The following CUL5 variants were observed in gnomAD, a reference collection of about 807,000 sequenced individuals.
CUL5 encodes the protein cullin-5.
In CUL5, 26 loss-of-function variants were observed where a neutral mutation model predicts 108.8. The ratio of observed to expected loss-of-function variants is 0.24; its 90% CI spans 0.18 to 0.33. The LOEUF (loss-of-function observed/expected upper bound fraction) is 0.33, where lower values mean the gene tolerates loss of function less well. Ranked by LOEUF, CUL5 falls within the 10% of genes least tolerant of loss-of-function variation. The probability of loss-of-function intolerance (pLI) is 1.00; values close to 1 mark genes in which losing one functional copy is unlikely to be tolerated. For missense variants in CUL5, 524 were observed against 909.2 expected (o/e 0.58, Z 5.45); for synonymous variants, 334 against 298.0 (o/e 1.12, Z -1.25).
rs190906787 is a variant in CUL5, at chr11:108,056,384, A to G, written c.780+1429A>G. On this transcript the variant is annotated intron_variant, in intron 7 of 18. Coordinates refer to ENST00000393094, the MANE Select transcript of CUL5 (RefSeq NM_003478.6). The stretch of plus-strand genomic sequence containing the variant: ...ACTTTTCTTTGGCTTTGTCCATCTT[A>G]AGTGGTAGTCGTGTTTATTTTATTC... Among the ~76,000 whole-genome samples the G allele has an allele frequency of 1.6e-3, 249 of 152,138 alleles. 2 individuals are homozygous for G. The highest frequency in any genetic ancestry group is 5.8e-3 in the African/African-American group (240 of 41,510).
chr11:108,094,736 C>A, intron 14 of CUL5, 76 bp from the exon 15 acceptor site: 1 of 1,189,306 alleles, frequency 8.4e-7, no homozygotes, highest in Non-Finnish European at 1.2e-6. Context: ...GATTTTTCAC[C>A]CAAAGTTACC....
chr11:108,016,900 G>A (rs1389558145), intron 1 of CUL5, among the ~76,000 whole-genome samples: 6 of 152,202 alleles, frequency 3.9e-5, no homozygotes, highest in Non-Finnish European at 1.5e-5. Context: ...AGAGGCAGGA[G>A]GATCATTTGA....
intron 11 of CUL5, among the ~76,000 whole-genome samples, chr11:108,087,146 C>G (rs926273404): frequency 2.6e-5 from 4 of 152,016 alleles, no homozygotes; most frequent in South Asian, 2.1e-4. Flanking sequence ...GTCTCATCTA[C>G]TTATTTATGT....
rs965633862 is a variant in CUL5, at chr11:108,012,455, G to T, written c.24+3083G>T. On this transcript the variant is annotated intron_variant, in intron 1 of 18. Transcript: ENST00000393094. The stretch of plus-strand genomic sequence containing the variant: ...TCTGTTCCATGCTACCTCCCAAATT[G>T]TCTCATTCTGCTTGTTCTTTTTCAG... 2.7e-5 allele frequency among the ~76,000 whole-genome samples: 4 copies of T among 147,484 alleles called. No homozygotes were observed. The East Asian group carries it at 7.9e-4, about 29-fold the overall frequency.
intron 7 of CUL5, among the ~76,000 whole-genome samples, chr11:108,062,004 C>G (rs1488349994): frequency 6.6e-6 from 1 of 152,106 alleles, no homozygotes; most frequent in African/African-American, 2.4e-5. Flanking sequence ...CTTGCTGATC[C>G]AATCACCTCC....
At chr11:108,099,031 G>T (rs1864573871) in intron 18 of CUL5, among the ~76,000 whole-genome samples, 1 of 144,210 alleles carries the variant, frequency 6.9e-6, no homozygotes, top group Non-Finnish European at 1.5e-5. Context: ...TTGAGACAGG[G>T]TCTCACTTTG....
At chr11:108,078,264 T>C (rs759158703) in intron 11 of CUL5, 24 bp downstream of exon 11, 5 of 1,351,166 alleles carry the variant, frequency 3.7e-6, no homozygotes, top group Admixed American at 2.0e-5. Flanking sequence ...AACCATACTT[T>C]AAAAATACTT....
intron 13 of CUL5, among the ~76,000 whole-genome samples, chr11:108,092,153 CAA>C (rs1040649417): frequency 3.3e-5 from 5 of 152,016 alleles, no homozygotes; most frequent in Non-Finnish European, 5.9e-5. Flanking sequence ...AAAAAAAACA[CAA>C]AGAGATACTA....
intron 18 of CUL5, among the ~76,000 whole-genome samples, chr11:108,099,721 C>A (rs544934626): frequency 1.3e-5 from 2 of 152,006 alleles, no homozygotes; most frequent in African/African-American, 4.8e-5. Flanking sequence ...AGTCATCTTC[C>A]CATGTTTCCA....
At chr11:108,020,105 C>T (rs1355467056) in intron 1 of CUL5, among the ~76,000 whole-genome samples, 2 of 152,182 alleles carry the variant, frequency 1.3e-5, no homozygotes. Context: ...TCATTAGGCC[C>T]ACTTACAACA....
intron 1 of CUL5, among the ~76,000 whole-genome samples, chr11:108,011,090 C>T (rs746719682): frequency 3.9e-5 from 6 of 152,084 alleles, no homozygotes; most frequent in Non-Finnish European, 7.4e-5. Flanking sequence ...TTAATTGAAA[C>T]GTGTTTAAGA....
At chr11:108,069,658 G>A (rs192945936) in intron 7 of CUL5, among the ~76,000 whole-genome samples, 58 of 152,204 alleles carry the variant, frequency 3.8e-4, no homozygotes, top group Admixed American at 2.0e-3. Context: ...TGATCTCTTC[G>A]AGAGCAGGAA....
intron 9 of CUL5, 125 bp from the exon 10 acceptor site, chr11:108,073,265 G>C: frequency 1.8e-6 from 1 of 566,896 alleles, no homozygotes; most frequent in Non-Finnish European, 3.1e-6. Context: ...ACACCTTTTA[G>C]TTTTATTTTT....
At chr11:108,028,908 A>G (rs778595484) in intron 1 of CUL5, among the ~76,000 whole-genome samples, 1 of 152,212 alleles carries the variant, frequency 6.6e-6, no homozygotes, top group Non-Finnish European at 1.5e-5. Context: ...AGTAGAAACC[A>G]AAGTCTTTAT....
chr11:108,087,928 G>A (rs905978407), intron 11 of CUL5, among the ~76,000 whole-genome samples: 7 of 152,074 alleles, frequency 4.6e-5, no homozygotes, highest in African/African-American at 1.7e-4. Context: ...TGGCATCATT[G>A]CACTCCAGTC....
chr11:108,040,473 G>A (rs577712409), intron 2 of CUL5, among the ~76,000 whole-genome samples: 1 of 152,114 alleles, frequency 6.6e-6, no homozygotes, highest in African/African-American at 2.4e-5. Context: ...TCGGCTGGGT[G>A]TGGTGTTGTG....
At chr11:108,054,602 G>T in intron 5 of CUL5, 45 bp from the exon 6 acceptor site, 1 of 1,319,862 alleles carries the variant, frequency 7.6e-7, no homozygotes, top group South Asian at 1.4e-5. Flanking sequence ...TCAAAATACT[G>T]ATTTTGATCA....
At chr11:108,012,294 C>G (rs542613845) in intron 1 of CUL5, among the ~76,000 whole-genome samples, 3 of 152,260 alleles carry the variant, frequency 2.0e-5, no homozygotes, top group Non-Finnish European at 2.9e-5. Context: ...CCACCCCAAA[C>G]AGCAATTGTT....
At chr11:108,052,174 T>C (rs534224320) in intron 4 of CUL5, among the ~76,000 whole-genome samples, 1 of 152,284 alleles carries the variant, frequency 6.6e-6, no homozygotes, top group South Asian at 2.1e-4. Context: ...TCTTACTGTG[T>C]TGCCGAGGCT....
Sources: gnomAD v4.1 joint callset for allele counts (sites outside exome capture counted in the v4.1 genomes callset) on GRCh38, gnomAD v4.1.1 for gene constraint, MANE v1.5 for transcripts, NCBI Gene and HGNC (gene_info 2026-07-23, HGNC 2026-07-21) for gene names.